RP1: variants seen among roughly 807,000 people sequenced by gnomAD.
RP1 encodes the protein oxygen-regulated protein 1.
RP1 carries 16 observed loss-of-function variants against 14.8 expected under a neutral mutation model. The observed-to-expected ratio is 1.08, with a 90% confidence interval of 0.73 to 1.65. The LOEUF (loss-of-function observed/expected upper bound fraction) is 1.65. RP1 is among the 40% of genes most tolerant of loss of function. The pLI is 0.00. For synonymous variants in RP1, 876 were observed against 883.6 expected (o/e 0.99, Z 0.15); for missense variants, 2,631 against 2,535.0 (o/e 1.04, Z -0.81).
Position 54,684,802 on chromosome 8 carries a change from T to C in RP1, c.1717+4869T>C, listed in dbSNP as rs906549411. Among the ~76,000 whole-genome samples, 14 of 152,286 alleles carry C rather than the reference T, an allele frequency of 9.2e-5. 1 individual carries two copies. The highest frequency in any genetic ancestry group is 5.8e-4 in the East Asian group (3 of 5,182). Reference sequence around the variant, plus strand: ...GGTACATATACACCATGGAATACTATGCAGCCATAAAAAGGAATGAGATCA... The same window carrying C: ...GGTACATATACACCATGGAATACTACGCAGCCATAAAAAGGAATGAGATCA... On this transcript the variant is annotated intron_variant, in intron 12 of 22. Coordinates refer to the RP1 transcript ENST00000636932.
At chr8:54,673,323 T>A (rs1217970893) in intron 7 of RP1, among the ~76,000 whole-genome samples, 1 of 152,222 alleles carries the variant, frequency 6.6e-6, no homozygotes, top group Non-Finnish European at 1.5e-5. Flanking sequence ...GATTGAAACC[T>A]ATAGCGTTAT....
chr8:54,606,824 A>T (rs558654466), intron 1 of RP1, among the ~76,000 whole-genome samples: 1 of 152,158 alleles, frequency 6.6e-6, no homozygotes, highest in East Asian at 1.9e-4. Flanking sequence ...CCTTTCTTCC[A>T]GTTGATCGAA....
intron 24 of RP1, among the ~76,000 whole-genome samples, chr8:54,804,439 T>C (rs1167231248): frequency 6.6e-6 from 1 of 152,180 alleles, no homozygotes; most frequent in Non-Finnish European, 1.5e-5. Flanking sequence ...AGTTTTGATA[T>C]GGATGACCTG....
At chr8:54,747,526 C>T (rs188497656) in intron 19 of RP1, among the ~76,000 whole-genome samples, 1 of 152,298 alleles carries the variant, frequency 6.6e-6, no homozygotes, top group East Asian at 1.9e-4. Context: ...ACAGTATTGC[C>T]TGTCATGTAG....
intron 1 of RP1, among the ~76,000 whole-genome samples, chr8:54,618,956 C>T (rs1338602445): frequency 6.6e-6 from 1 of 152,218 alleles, no homozygotes; most frequent in East Asian, 1.9e-4. Flanking sequence ...CCACCACGCC[C>T]GGGCCTAAAG....
intron 25 of RP1, among the ~76,000 whole-genome samples, chr8:54,840,925 C>T (rs1339007965): frequency 1.3e-5 from 2 of 152,128 alleles, no homozygotes; most frequent in Non-Finnish European, 2.9e-5. Flanking sequence ...TTTTCTCAGG[C>T]TCTGACATAT....
intron 16 of RP1, among the ~76,000 whole-genome samples, chr8:54,720,669 A>C (rs1808513493): frequency 6.6e-6 from 1 of 152,202 alleles, no homozygotes; most frequent in South Asian, 2.1e-4. Flanking sequence ...ATTGCTATTA[A>C]TTTTTAATGG....
At chr8:54,559,327 T>C (rs977920494) in intron 1 of RP1, 2 of 152,156 alleles carry the variant, frequency 1.3e-5, no homozygotes, top group Non-Finnish European at 2.9e-5. Context: ...ACAGGTAAAA[T>C]ATATGTGTTT....
At chr8:54,639,459 T>C (rs1806416868) in intron 3 of RP1, among the ~76,000 whole-genome samples, 1 of 152,146 alleles carries the variant, frequency 6.6e-6, no homozygotes, top group South Asian at 2.1e-4. Context: ...CTAGCTTTTA[T>C]GGTAATTGTA....
chr8:54,562,789 G>A (rs1804316806), intron 1 of RP1, among the ~76,000 whole-genome samples: 1 of 152,212 alleles, frequency 6.6e-6, no homozygotes. Flanking sequence ...TCTAGCAGGT[G>A]CTAGACAGAT....
chr8:54,620,971 G>A lies in RP1; in HGVS notation c.5G>A (p.Ser2Asn), dbSNP rs552496407. 6.2e-7 allele frequency: 1 copy of A among 1,614,146 alleles called. No homozygotes were observed. The highest frequency in any genetic ancestry group is 8.5e-7 in the Non-Finnish European group (1 of 1,180,020). Residue 2 changes from serine (S) to asparagine (N), a missense_variant, in exon 2 of 4, where the codon AGT becomes AAT. Transcript: ENST00000220676. Reference protein sequence around the residue: MSDTPSTGFSII... With the variant: MNDTPSTGFSII... Reference sequence around the variant, plus strand: ...CTTCTCTAGGTCTCAGCCAAAATGAGTGATACCCCTTCTACTGGTTTTTCC... The same window carrying A: ...CTTCTCTAGGTCTCAGCCAAAATGAATGATACCCCTTCTACTGGTTTTTCC...
At chr8:54,768,135 A>T (rs1189357839) in intron 22 of RP1, among the ~76,000 whole-genome samples, 1 of 152,218 alleles carries the variant, frequency 6.6e-6, no homozygotes, top group Non-Finnish European at 1.5e-5. Flanking sequence ...CCTGTGCGTC[A>T]GCCACGTGGA....
At chr8:54,685,345 T>C (rs946688981) in intron 12 of RP1, among the ~76,000 whole-genome samples, 1 of 152,170 alleles carries the variant, frequency 6.6e-6, no homozygotes, top group Non-Finnish European at 1.5e-5. Context: ...AGAGTTCTGG[T>C]GTGTTGTCTC....
At chr8:54,680,530 T>G (rs1331763727) in intron 12 of RP1, among the ~76,000 whole-genome samples, 1 of 152,206 alleles carries the variant, frequency 6.6e-6, no homozygotes, top group East Asian at 1.9e-4. Context: ...TTAACTGTAC[T>G]TTACTATGCT....
intron 25 of RP1, chr8:54,837,728 T>C: frequency 1.0e-6 from 1 of 979,876 alleles, no homozygotes; most frequent in East Asian, 3.3e-5. Flanking sequence ...TGAGATGATT[T>C]AGAATAGGGG....
intron 25 of RP1, among the ~76,000 whole-genome samples, chr8:54,848,527 A>G (rs1211159045): frequency 6.6e-6 from 1 of 152,206 alleles, no homozygotes; most frequent in Non-Finnish European, 1.5e-5. Flanking sequence ...ACACTGCTGG[A>G]CAGAGACTCC....
intron 25 of RP1, among the ~76,000 whole-genome samples, chr8:54,838,645 A>G (rs1811722603): frequency 6.6e-6 from 1 of 152,198 alleles, no homozygotes. Context: ...ATGTGACACT[A>G]TGTATATGTG....
chr8:54,853,718 C>A (rs1023693681), intron 26 of RP1, among the ~76,000 whole-genome samples: 6 of 88,782 alleles, frequency 6.8e-5, no homozygotes, highest in Admixed American at 1.2e-4. Context: ...CTTAGCAAGA[C>A]CTCATCTCTA....
intron 1 of RP1, among the ~76,000 whole-genome samples, chr8:54,607,845 T>C (rs13278588): frequency 0.32 from 48,739 of 152,086 alleles, 8,636 homozygotes; most frequent in Middle Eastern, 0.48. Context: ...CTCTGAGCCA[T>C]GCGTGGGATA....
Sources: gnomAD v4.1 joint callset for allele counts (sites outside exome capture counted in the v4.1 genomes callset) on GRCh38, gnomAD v4.1.1 for gene constraint, MANE v1.5 for transcripts, NCBI Gene and HGNC (gene_info 2026-07-23, HGNC 2026-07-21) for gene names.